The following ASXL2 variants were observed in gnomAD, a reference collection of about 807,000 sequenced individuals.
ASXL2 encodes the protein ASXL transcriptional regulator 2.
Under a neutral mutation model 122.0 loss-of-function variants are expected in ASXL2, and 23 were observed. The ratio of observed to expected loss-of-function variants is 0.19; its 90% CI spans 0.14 to 0.27. The LOEUF is 0.27. ASXL2 is among the 10% of genes least tolerant of loss of function. The pLI, the probability that ASXL2 is intolerant of heterozygous loss-of-function variation, is 1.00. For synonymous variants in ASXL2, 650 were observed against 637.0 expected, an observed-to-expected ratio of 1.02 and a Z score of -0.31; for missense variants, 1,518 against 1,713.8, an observed-to-expected ratio of 0.89 and a Z score of 2.02.
At chr2:25,868,865 TA>T in intron 1 of ASXL2, among the ~76,000 whole-genome samples, 1 of 152,002 alleles carries the variant, frequency 6.6e-6, no homozygotes, top group South Asian at 2.1e-4. Flanking sequence ...CGCATCTCTA[TA>T]AAAAATACAA....
intron 3 of ASXL2, chr2:25,822,640 T>C (rs2089326239): frequency 1.7e-6 from 1 of 605,136 alleles, no homozygotes; most frequent in African/African-American, 1.9e-5. Context: ...TTTTTCACAG[T>C]ATTGATCCTA....
intron 1 of ASXL2, among the ~76,000 whole-genome samples, chr2:25,874,576 A>C (rs987655934): frequency 2.0e-5 from 3 of 152,070 alleles, no homozygotes; most frequent in Admixed American, 1.3e-4. Flanking sequence ...CCTTGAGCCC[A>C]GGAGATGGAA....
intron 11 of ASXL2, 60 bp downstream of exon 11, chr2:25,753,474 C>T: frequency 8.5e-7 from 1 of 1,179,570 alleles, no homozygotes. Context: ...TGAGATAAAG[C>T]ACTACATGAC....
chr2:25,740,784 C>A lies in ASXL2; in HGVS notation c.*1245G>T, dbSNP rs117108810. The A allele has an allele frequency of 3.4e-4, 68 of 199,096 alleles. No homozygotes were observed. In the East Asian group the frequency reaches 5.4e-3, roughly 16 times the overall value. The allele number at this position is 199,096 out of a possible 1,614,324, so 12.3% of individuals were successfully genotyped here. ...CAGACAGCAGTAATCCAAACAAGGG[C>A]TATATTTTCTAAAACAGGAAAAATG... is the stretch of plus-strand genomic sequence containing the variant. On this transcript the variant is annotated 3_prime_UTR_variant, in exon 13 of 13. Coordinates refer to ENST00000435504, the MANE Select transcript of ASXL2 (RefSeq NM_018263.6).
intron 3 of ASXL2, chr2:25,809,807 T>C (rs1256125034): frequency 2.4e-6 from 1 of 423,596 alleles, no homozygotes. Flanking sequence ...ACAGGGGAGG[T>C]GGGGGCAGCG....
Position 25,741,887 on chromosome 2 carries a change from G to C in ASXL2, c.*142C>G. ...CTAAAATGTAAAAAATCTGTACTTT[G>C]TATTCCTGATTAAGTAACATTTGTC... On this transcript the variant is annotated 3_prime_UTR_variant, in exon 13 of 13. Coordinates refer to ENST00000435504, the MANE Select transcript of ASXL2 (RefSeq NM_018263.6). 1.3e-6 allele frequency: 1 copy of C among 772,358 alleles called. No individual in the cohort carries two copies. Among genetic ancestry groups the C allele is most frequent in the Non-Finnish European group, 2.0e-6 (1 of 489,474 alleles). 47.8% of individuals were successfully genotyped at this position (772,358 alleles called of 1,614,324 possible). A position where few individuals can be genotyped will look rare whatever the true frequency, so the allele number is the denominator to read the frequency against.
chr2:25,759,920 AT>A (rs1444522053), intron 8 of ASXL2, among the ~76,000 whole-genome samples: 1 of 152,198 alleles, frequency 6.6e-6, no homozygotes, highest in African/African-American at 2.4e-5. Flanking sequence ...CTAAAACTGC[AT>A]TTTATGTTTG....
rs1281179992 is a variant in ASXL2 at position 25,856,656 on chromosome 2, T to C, written c.58-11093A>G. ...AATGTCCTCAGTCTCCCCAGAGTGG[T>C]GGCTCACCATCAACCCTCAGCCGTT... On this transcript the variant is annotated intron_variant, in intron 1 of 12. Transcript: ENST00000435504. 12 of 1,261,000 alleles carry C rather than the reference T, an allele frequency of 9.5e-6. No homozygotes were observed. In the Admixed American group the frequency reaches 1.4e-4, roughly 14 times the overall value. 78.1% of individuals were successfully genotyped at this position (1,261,000 alleles called of 1,614,324 possible). A position where few individuals can be genotyped will look rare whatever the true frequency, so the allele number is the denominator to read the frequency against.
chr2:25,849,064 C>CAT lies in ASXL2; in HGVS notation c.58-3503_58-3502dup, dbSNP rs139200567. ...CCGTCTCAAAAAAAAAAAAAATTTA[C>CAT]ATATATATATATGGAATATTTATTT... On this transcript the variant is annotated intron_variant, in intron 1 of 12. Coordinates refer to ENST00000435504, the MANE Select transcript of ASXL2 (RefSeq NM_018263.6). 1.2e-3 allele frequency among the ~76,000 whole-genome samples: 103 copies of CAT among 86,498 alleles called. 16 individuals are homozygous for CAT. In the East Asian group the frequency reaches 0.016, roughly 13 times the overall value. 56.7% of individuals were successfully genotyped at this position (86,498 alleles called of 152,430 possible).
At chr2:25,853,897 G>C (rs2089747082) in intron 1 of ASXL2, among the ~76,000 whole-genome samples, 1 of 152,020 alleles carries the variant, frequency 6.6e-6, no homozygotes, top group Non-Finnish European at 1.5e-5. Context: ...TATGTGGCAA[G>C]ATTAGCTTCA....
chr2:25,790,761 T>C (rs964449388), intron 5 of ASXL2, among the ~76,000 whole-genome samples: 6 of 148,270 alleles, frequency 4.0e-5, no homozygotes, highest in Non-Finnish European at 8.9e-5. Flanking sequence ...AACAAAAATA[T>C]GAAACAAACA....
chr2:25,743,991 T>C lies in ASXL2; in HGVS notation c.2346A>G (p.Thr782=), dbSNP rs765170933. ...QLQQTPPVPP[T]PAVSGACTSV... ...TTGTGCATGCTCCACTGACGGCAGG[T>C]GTTGGAGGCACTGGGGGGGTTTGCT... is the stretch of plus-strand genomic sequence containing the variant. Residue 782 remains threonine, a synonymous_variant, in exon 13 of 13, where the codon ACA becomes ACG. Transcript: ENST00000435504. The C allele has an allele frequency of 6.2e-7, 1 of 1,613,938 alleles. No individual in the cohort carries two copies. Among genetic ancestry groups the C allele is most frequent in the South Asian group, 1.1e-5 (1 of 91,076 alleles).
intron 2 of ASXL2, among the ~76,000 whole-genome samples, chr2:25,840,526 T>C (rs1011666343): frequency 6.6e-6 from 1 of 152,222 alleles, no homozygotes; most frequent in Non-Finnish European, 1.5e-5. Context: ...AGAAACTCAC[T>C]ATTCCCCACT....
intron 2 of ASXL2, among the ~76,000 whole-genome samples, chr2:25,841,770 A>G (rs973498464): frequency 6.6e-6 from 1 of 151,990 alleles, no homozygotes. Context: ...ACACAGTGAA[A>G]CCCCATCTCT....
At chr2:25,862,521 T>G (rs942619616) in intron 1 of ASXL2, among the ~76,000 whole-genome samples, 1 of 152,166 alleles carries the variant, frequency 6.6e-6, no homozygotes. Flanking sequence ...TCAAATTAAT[T>G]TGACAAGTAT....
At chr2:25,831,381 C>T (rs189783595) in intron 3 of ASXL2, among the ~76,000 whole-genome samples, 2 of 151,914 alleles carry the variant, frequency 1.3e-5, no homozygotes, top group African/African-American at 4.8e-5. Context: ...TAAACACAGG[C>T]CAGGCACAAT....
rs80318118 is a variant in ASXL2, at chr2:25,781,478, T to C, written c.404-9938A>G. 8.4e-3 allele frequency among the ~76,000 whole-genome samples: 1,279 copies of C among 152,260 alleles called. 11 individuals are homozygous for C. The highest frequency in any genetic ancestry group is 0.03 in the African/African-American group (1,244 of 41,562). ...GTTGTTACCGCAAATATATTCTTTT[T>C]CATTATTATTTATGTACATGGTGGC... On this transcript the variant is annotated intron_variant, in intron 5 of 12. Coordinates refer to ENST00000435504, the MANE Select transcript of ASXL2 (RefSeq NM_018263.6).
At chr2:25,765,005 T>C (rs895765315) in intron 8 of ASXL2, among the ~76,000 whole-genome samples, 1 of 152,214 alleles carries the variant, frequency 6.6e-6, no homozygotes, top group Admixed American at 6.5e-5. Flanking sequence ...TAATCTATTA[T>C]ATTATACTTG....
intron 5 of ASXL2, among the ~76,000 whole-genome samples, chr2:25,772,629 GCTGAGGGAAGAGAA>G (rs2088474667): frequency 6.6e-6 from 1 of 151,356 alleles, no homozygotes; most frequent in African/African-American, 2.4e-5. Flanking sequence ...TACTCAGGAG[GCTGAGGGAAGAGAA>G]TCGCTTGAAC....
Sources: allele counts gnomAD v4.1 joint callset (sites outside exome capture counted in the v4.1 genomes callset), GRCh38; gene constraint gnomAD v4.1.1; transcripts MANE v1.5; gene names NCBI Gene and HGNC (gene_info 2026-07-23, HGNC 2026-07-21).